Variants in MYO3B observed in about 807,000 individuals in gnomAD.
MYO3B encodes myosin-IIIb.
A neutral mutation model predicts 174.6 loss-of-function variants in MYO3B; 156 were observed. The observed-to-expected ratio is 0.89, with a 90% CI of 0.78 to 1.02. MYO3B has a LOEUF of 1.02. Among genes scored for constraint, MYO3B ranks in the 50% least tolerant of loss-of-function variants. MYO3B has a pLI of 0.00. For missense variants in MYO3B, 1,632 were observed against 1,639.4 expected (o/e 1.00, Z 0.08); for synonymous variants, 563 against 569.1 (o/e 0.99, Z 0.15).
At chr2:170,537,624 T>C (rs976146813) in intron 30 of MYO3B, among the ~76,000 whole-genome samples, 3 of 151,876 alleles carry the variant, frequency 2.0e-5, no homozygotes, top group Admixed American at 6.5e-5. Flanking sequence ...TTTTTGTATT[T>C]TTTGTAGAGA....
chr2:170,385,527 A>G (rs76827077), intron 12 of MYO3B, among the ~76,000 whole-genome samples: 5,172 of 152,242 alleles, frequency 0.034, 131 homozygotes, highest in Non-Finnish European at 0.049. Flanking sequence ...CACATCCACT[A>G]ATTTCCTTTA....
In MYO3B at chr2:170,653,477, G is replaced by A. The variant is rs143950053; in HGVS notation, c.*356G>A. ...ATCATGGACCCTGATAATATTGCTT[G>A]ATTTTTCCTATCAAGTTACTTTTCA... On this transcript the variant is annotated 3_prime_UTR_variant, in exon 35 of 35. Coordinates refer to ENST00000408978, the MANE Select transcript of MYO3B (RefSeq NM_138995.5). The A allele has an allele frequency of 3.3e-3, 667 of 202,352 alleles. 5 individuals carry two copies. Among genetic ancestry groups the A allele is most frequent in the African/African-American group, 0.014 (620 of 43,642 alleles). 12.5% of individuals were successfully genotyped at this position (202,352 alleles called of 1,614,324 possible).
chr2:170,436,697 C>G (rs766029996), intron 22 of MYO3B, among the ~76,000 whole-genome samples: 4 of 152,202 alleles, frequency 2.6e-5, no homozygotes, highest in Non-Finnish European at 5.9e-5. Flanking sequence ...AAACAAATCT[C>G]TTCACACACT....
Position 170,235,764 on chromosome 2 carries a change from A to T in MYO3B, c.604-227A>T, listed in dbSNP as rs749477219. Among the ~76,000 whole-genome samples the T allele has an allele frequency of 2.0e-5, 3 of 152,230 alleles. No homozygotes were observed. In the South Asian group the frequency reaches 6.2e-4, roughly 31 times the overall value. On this transcript the variant is annotated intron_variant, in intron 6 of 34. Coordinates refer to ENST00000408978, the MANE Select transcript of MYO3B (RefSeq NM_138995.5). ...TCTTGTTACTTAGACGGTTCAATGCATGCTTTTTAAAAACAAAACTGACAC... is the reference window on the plus strand; with the variant it reads ...TCTTGTTACTTAGACGGTTCAATGCTTGCTTTTTAAAAACAAAACTGACAC...
chr2:170,241,784 G>A (rs536430782), intron 7 of MYO3B, among the ~76,000 whole-genome samples: 2 of 152,162 alleles, frequency 1.3e-5, no homozygotes, highest in South Asian at 4.2e-4. Flanking sequence ...CTCTCATCCT[G>A]AAATAGGATC....
At chr2:170,516,748 C>T (rs538010700) in intron 29 of MYO3B, among the ~76,000 whole-genome samples, 165 of 152,222 alleles carry the variant, frequency 1.1e-3, no homozygotes, top group African/African-American at 3.8e-3. Context: ...CTTCATTAAA[C>T]CAGAAACACA....
At chr2:170,248,002 G>A (rs560473287) in intron 7 of MYO3B, among the ~76,000 whole-genome samples, 1 of 152,030 alleles carries the variant, frequency 6.6e-6, no homozygotes, top group South Asian at 2.1e-4. Context: ...TGCTTCCTTT[G>A]GCCTCACATT....
chr2:170,404,841 G>GTTTAGT (rs1223496821), intron 20 of MYO3B, among the ~76,000 whole-genome samples: 6 of 152,236 alleles, frequency 3.9e-5, no homozygotes, highest in African/African-American at 1.4e-4. Flanking sequence ...ATCCCAGCTA[G>GTTTAGT]TTTAGTCTTT....
At chr2:170,489,732 A>G (rs1267657475) in intron 25 of MYO3B, among the ~76,000 whole-genome samples, 1 of 151,568 alleles carries the variant, frequency 6.6e-6, no homozygotes, top group African/African-American at 2.4e-5. Context: ...CAGTCTAGAG[A>G]CAGAATCCCT....
chr2:170,651,820 A>AGGGGGGGGG, intron 33 of MYO3B, 86 bp downstream of exon 33: 1 of 1,010,560 alleles, frequency 9.9e-7, no homozygotes. Context: ...CAGCCCCTGC[A>AGGGGGGGGG]GCCCCACCCC....
intron 25 of MYO3B, among the ~76,000 whole-genome samples, chr2:170,494,957 A>G (rs574153104): frequency 6.6e-6 from 1 of 152,222 alleles, no homozygotes; most frequent in South Asian, 2.1e-4. Flanking sequence ...GTGGAAAGTT[A>G]GGTACAGAGA....
At chr2:170,619,578 C>T (rs1695719780) in intron 32 of MYO3B, among the ~76,000 whole-genome samples, 1 of 151,768 alleles carries the variant, frequency 6.6e-6, no homozygotes, top group Admixed American at 6.6e-5. Flanking sequence ...AAGCTCACTC[C>T]CAACCACGTC....
intron 22 of MYO3B, among the ~76,000 whole-genome samples, chr2:170,424,068 T>C (rs575595564): frequency 6.6e-6 from 1 of 152,340 alleles, no homozygotes; most frequent in African/African-American, 2.4e-5. Flanking sequence ...TGTTTATGAA[T>C]ATCCAATAGG....
chr2:170,327,816 A>G (rs897661336), intron 7 of MYO3B, among the ~76,000 whole-genome samples: 1 of 150,032 alleles, frequency 6.7e-6, no homozygotes, highest in Non-Finnish European at 1.5e-5. Flanking sequence ...GCCTCCAACT[A>G]TTTCTGTAAT....
intron 32 of MYO3B, among the ~76,000 whole-genome samples, chr2:170,552,865 G>T (rs1691015424): frequency 6.6e-6 from 1 of 152,166 alleles, no homozygotes; most frequent in Non-Finnish European, 1.5e-5. Flanking sequence ...GCTCTGTGCA[G>T]CCTCAGGACA....
rs762712530 is a variant in MYO3B, at chr2:170,443,964, C to T, written c.2651-3C>T. The stretch of plus-strand genomic sequence containing the variant: ...TTTATGTTCTTTGTGGTCTCTTTCT[C>T]AGGTAATTTGGCCCAGACAAGAGCT... On this transcript the variant is annotated splice_region_variant and splice_polypyrimidine_tract_variant and intron_variant, in intron 22 of 34. Transcript: ENST00000408978. The T allele has an allele frequency of 4.4e-6, 7 of 1,607,248 alleles. No individual in the cohort carries two copies. The South Asian group carries it at 4.4e-5, about 10-fold the overall frequency.
intron 8 of MYO3B, among the ~76,000 whole-genome samples, chr2:170,345,642 C>T (rs895210128): frequency 2.6e-5 from 4 of 151,986 alleles, no homozygotes; most frequent in African/African-American, 9.7e-5. Context: ...CATACAGAAA[C>T]CCTGGCTTCA....
intron 28 of MYO3B, among the ~76,000 whole-genome samples, chr2:170,509,287 G>A (rs1687816860): frequency 6.6e-6 from 1 of 152,122 alleles, no homozygotes; most frequent in Non-Finnish European, 1.5e-5. Context: ...AACCCAGGAG[G>A]CATAGGTTGC....
At position 170,653,210 on chromosome 2, in the gene MYO3B, G is replaced by A. The variant is rs1453751831; in HGVS notation, c.*89G>A. ...ATTGCGTAAGAAAGCACTGATATGG[G>A]GTCAGCTTCTTTGGACATATGGTCC... is the stretch of plus-strand genomic sequence containing the variant. On this transcript the variant is annotated 3_prime_UTR_variant, in exon 35 of 35. Transcript: ENST00000408978. The A allele has an allele frequency of 3.3e-6, 5 of 1,520,216 alleles. No individual in the cohort carries two copies. Among genetic ancestry groups the A allele is most frequent in the African/African-American group, 1.4e-5 (1 of 72,632 alleles). The allele number at this position is 1,520,216 out of a possible 1,614,324, so 94.2% of individuals were successfully genotyped here.
Sources: allele counts gnomAD v4.1 joint callset (sites outside exome capture counted in the v4.1 genomes callset), GRCh38; gene constraint gnomAD v4.1.1; transcripts MANE v1.5; gene names NCBI Gene and HGNC (gene_info 2026-07-23, HGNC 2026-07-21).